INSIG1: variants seen among roughly 807,000 people sequenced by gnomAD.
INSIG1 encodes insulin induced gene 1, also known as insulin-induced gene 1 protein.
Under a neutral mutation model 26.5 loss-of-function variants are expected in INSIG1, and 14 were observed. That is an observed-to-expected ratio of 0.53 (90% CI 0.35 to 0.83). The LOEUF (loss-of-function observed/expected upper bound fraction) is 0.83. Ranked by LOEUF, INSIG1 falls within the 40% of genes least tolerant of loss-of-function variation. INSIG1 has a pLI of 0.01. For synonymous variants in INSIG1, 147 were observed against 153.3 expected, an observed-to-expected ratio of 0.96 and a Z score of 0.30; for missense variants, 272 against 368.9, an observed-to-expected ratio of 0.74 and a Z score of 2.15.
chr7:155,301,537 T>G, intron 2 of INSIG1, 29 bp from the exon 3 acceptor site: 11 of 1,588,160 alleles, frequency 6.9e-6, no homozygotes, highest in Non-Finnish European at 8.6e-6. Flanking sequence ...ATCTGCTGTA[T>G]TCTAACATTG....
At chr7:155,298,775 C>G in intron 2 of INSIG1, 78 bp downstream of exon 2, 1 of 1,324,678 alleles carries the variant, frequency 7.5e-7, no homozygotes, top group Middle Eastern at 1.9e-4. Context: ...CTATAAGAAA[C>G]ATGCATTTGA....
chr7:155,305,669 C>G (rs570613529), intron 5 of INSIG1, among the ~76,000 whole-genome samples: 1 of 152,184 alleles, frequency 6.6e-6, no homozygotes, highest in South Asian at 2.1e-4. Flanking sequence ...GGACCAGACC[C>G]GCCCAGATCC....
Position 155,298,714 on chromosome 7 carries a change from GTTC to G in INSIG1, c.412+22_412+24del. ...CAGCAGCTGGTGAGTACCCCTCCTGGTTCTTCTGGAAGTAAAAAGGGTGTCTTT... is the reference window on the plus strand; with the variant it reads ...CAGCAGCTGGTGAGTACCCCTCCTGGTTCTGGAAGTAAAAAGGGTGTCTTT... On this transcript the variant is annotated intron_variant, in intron 2 of 5. Transcript: ENST00000340368. 6.3e-7 allele frequency: 1 copy of G among 1,599,434 alleles called. No homozygotes were observed. Among genetic ancestry groups the G allele is most frequent in the Non-Finnish European group, 8.5e-7 (1 of 1,175,488 alleles).
chr7:155,302,702 C>T lies in INSIG1; in HGVS notation c.705-45C>T. On this transcript the variant is annotated intron_variant, in intron 4 of 5. Transcript: ENST00000340368. The surrounding 1 kb of genome is among the most constrained non-coding windows in gnomAD (Gnocchi z 4.3). The stretch of plus-strand genomic sequence containing the variant: ...GAGAATCTGTGATGTAGAATTGAGC[C>T]AGGTGAAATTGACTGCTAAGGTACA... 7.8e-7 allele frequency: 1 copy of T among 1,289,202 alleles called. No individual in the cohort carries two copies. Among genetic ancestry groups the T allele is most frequent in the Admixed American group, 1.7e-5 (1 of 58,832 alleles). The allele number at this position is 1,289,202 out of a possible 1,614,324, so 79.9% of individuals were successfully genotyped here. A position where few individuals can be genotyped will look rare whatever the true frequency, so the allele number is the denominator to read the frequency against.
At chr7:155,303,980 T>A in intron 5 of INSIG1, 2 of 84,290 alleles carry the variant, frequency 2.4e-5, no homozygotes, top group Non-Finnish European at 3.7e-5. Flanking sequence ...GCTTGCCTTT[T>A]TTTTTTTTTT....
chr7:155,301,939 A>T (rs1380379589), intron 3 of INSIG1, among the ~76,000 whole-genome samples: 1 of 59,258 alleles, frequency 1.7e-5, no homozygotes, highest in East Asian at 2.4e-4. Flanking sequence ...ATATATTTTT[A>T]AATATATATA....
intron 5 of INSIG1, chr7:155,303,976 C>CTTTTTTTTTTT (rs11385167): frequency 4.1e-6 from 1 of 245,114 alleles, no homozygotes; most frequent in Non-Finnish European, 7.2e-6. Context: ...CTTTGCTTGC[C>CTTTTTTTTTTT]TTTTTTTTTT....
chr7:155,301,522 C>T (rs1177520249), intron 2 of INSIG1, 44 bp from the exon 3 acceptor site: 1 of 1,559,862 alleles, frequency 6.4e-7, no homozygotes, highest in Non-Finnish European at 8.7e-7. Flanking sequence ...AATTCTGGAA[C>T]TTGAATCTGC....
chr7:155,308,263 G>A lies in INSIG1; in HGVS notation c.827G>A (p.Ser276Asn). 1 of 1,608,538 alleles carries A rather than the reference G, an allele frequency of 6.2e-7. No homozygotes were observed. The highest frequency in any genetic ancestry group is 8.5e-7 in the Non-Finnish European group (1 of 1,175,726). Residue 276 changes from serine (S) to asparagine (N), a missense_variant, in exon 6 of 6, where the codon AGT (serine) becomes AAT (asparagine). This residue lies in a region of INSIG1 where 111 missense variants were observed against 189.8 expected (regional missense o/e 0.58). Transcript: ENST00000340368. The part of the protein sequence containing the change: ...LAMGVPEKPH[S>N]D ...TAGGGTGTTCCTGAAAAGCCCCATAGTGATTGAGTCTTCAAAACCACCGAT... is the reference window on the plus strand; with the variant it reads ...TAGGGTGTTCCTGAAAAGCCCCATAATGATTGAGTCTTCAAAACCACCGAT...
Position 155,298,788 on chromosome 7 carries a change from C to T in INSIG1, c.412+91C>T, listed in dbSNP as rs959853983. The T allele has an allele frequency of 9.3e-6, 11 of 1,181,120 alleles. No individual in the cohort carries two copies. In the African/African-American group the frequency reaches 1.5e-4, roughly 16 times the overall value. The allele number at this position is 1,181,120 out of a possible 1,614,324, so 73.2% of individuals were successfully genotyped here. ...GCCTATAAGAAACATGCATTTGAAACTGGAACTATCCACAGATTGAAAGTG... is the reference window on the plus strand; with the variant it reads ...GCCTATAAGAAACATGCATTTGAAATTGGAACTATCCACAGATTGAAAGTG... On this transcript the variant is annotated intron_variant, in intron 2 of 5. Coordinates refer to ENST00000340368, the MANE Select transcript of INSIG1 (RefSeq NM_005542.6).
Position 155,298,496 on chromosome 7 carries a change from G to A in INSIG1, c.211G>A (p.Glu71Lys), listed in dbSNP as rs759297214. Residue 71 changes from glutamate (E) to lysine (K), a missense_variant, in exon 2 of 6, where the codon GAG (glutamate) becomes AAG (lysine). Transcript: ENST00000340368. ...RGRSAAMSGP[E>K]PGSPYPNTWH... is the part of the protein sequence containing the mutation. ...CCGCAGTGCTGCGATGAGCGGCCCC[G>A]AGCCCGGCAGCCCCTACCCCAACAC... The A allele has an allele frequency of 1.9e-6, 3 of 1,574,288 alleles. No homozygotes were observed. The highest frequency in any genetic ancestry group is 2.6e-6 in the Non-Finnish European group (3 of 1,161,090).
rs774829875 is a variant in INSIG1 at position 155,308,223 on chromosome 7, T to C, written c.805-18T>C. On this transcript the variant is annotated intron_variant, in intron 5 of 5. Transcript: ENST00000340368. The stretch of plus-strand genomic sequence containing the variant: ...TGCTAATTTTCTCTTTCCTTTTTTT[T>C]TTCCTTTCTACACATAGGGTGTTCC... 36 of 1,323,496 alleles carry C rather than the reference T, an allele frequency of 2.7e-5. No individual in the cohort carries two copies. The highest frequency in any genetic ancestry group is 3.5e-5 in the Non-Finnish European group (33 of 941,566). The allele number at this position is 1,323,496 out of a possible 1,614,324, so 82.0% of individuals were successfully genotyped here. A position where few individuals can be genotyped will look rare whatever the true frequency, so the allele number is the denominator to read the frequency against.
chr7:155,310,204 A>G lies in INSIG1; in HGVS notation c.*1934A>G, dbSNP rs1326780040. ...TCAACATTGTGTTCTTTTTGCATTCATTTTTTACTTTTATTAAAGGTTCAA... is the reference window on the plus strand; with the variant it reads ...TCAACATTGTGTTCTTTTTGCATTCGTTTTTTACTTTTATTAAAGGTTCAA... On this transcript the variant is annotated 3_prime_UTR_variant, in exon 6 of 6. Coordinates refer to ENST00000340368, the MANE Select transcript of INSIG1 (RefSeq NM_005542.6). 77 of 152,678 alleles carry G rather than the reference A, an allele frequency of 5.0e-4. No homozygotes were observed. The highest frequency in any genetic ancestry group is 2.1e-4 in the South Asian group (1 of 4,818). The allele number at this position is 152,678 out of a possible 1,614,324, so 9.5% of individuals were successfully genotyped here.
At chr7:155,300,078 G>A (rs900062824) in intron 2 of INSIG1, among the ~76,000 whole-genome samples, 2 of 152,188 alleles carry the variant, frequency 1.3e-5, no homozygotes, top group Non-Finnish European at 2.9e-5. Flanking sequence ...TTATGTGGCT[G>A]TACTAATTGA....
intron 5 of INSIG1, chr7:155,303,986 T>A: frequency 3.6e-6 from 2 of 552,584 alleles, no homozygotes; most frequent in Non-Finnish European, 5.8e-6. Context: ...CTTTTTTTTT[T>A]TTTTTTTTTT....
At chr7:155,301,798 A>G in intron 3 of INSIG1, 108 bp downstream of exon 3, 1 of 1,061,540 alleles carries the variant, frequency 9.4e-7, no homozygotes, top group Admixed American at 2.9e-5. Flanking sequence ...TACAGACATG[A>G]TGGTGGTACC....
At chr7:155,300,943 C>G (rs567590651) in intron 2 of INSIG1, among the ~76,000 whole-genome samples, 10 of 152,242 alleles carry the variant, frequency 6.6e-5, no homozygotes, top group Non-Finnish European at 1.0e-4. Context: ...TGTCTCGCCC[C>G]GTACTTGCCC....
At chr7:155,306,439 G>A (rs966052651) in intron 5 of INSIG1, among the ~76,000 whole-genome samples, 1 of 152,236 alleles carries the variant, frequency 6.6e-6, no homozygotes, top group Non-Finnish European at 1.5e-5. Flanking sequence ...TGCTGCCACT[G>A]CCCGGCCCCA....
intron 2 of INSIG1, among the ~76,000 whole-genome samples, chr7:155,300,321 T>C (rs1020659117): frequency 6.6e-6 from 1 of 152,218 alleles, no homozygotes; most frequent in African/African-American, 2.4e-5. Context: ...TTTTTCATAG[T>C]ATGTTTTTTA....
Sources: gnomAD v4.1 joint callset for allele counts (sites outside exome capture counted in the v4.1 genomes callset) on GRCh38, gnomAD v4.1.1 for gene constraint, gnomAD v4.1.1 regional missense constraint, Gnocchi (gnomAD v3.1) non-coding constraint, MANE v1.5 for transcripts, NCBI Gene and HGNC (gene_info 2026-07-23, HGNC 2026-07-21) for gene names.